Variants in EPHA10 observed in about 807,000 individuals in gnomAD.
The protein encoded by EPHA10 is ephrin type-A receptor 10.
EPHA10 carries 120 observed loss-of-function variants against 109.7 expected under a neutral mutation model. The ratio of observed to expected loss-of-function variants is 1.09; its 90% CI spans 0.94 to 1.27. The LOEUF is 1.27. EPHA10 is among the 50% of genes most tolerant of loss of function. The pLI is 0.00. For synonymous variants in EPHA10, 640 were observed against 618.9 expected, an observed-to-expected ratio of 1.03 and a Z score of -0.51; for missense variants, 1,396 against 1,411.1, an observed-to-expected ratio of 0.99 and a Z score of 0.17.
chr1:37,738,542 C>A (rs1569704544), intron 5 of EPHA10, among the ~76,000 whole-genome samples: 1 of 152,100 alleles, frequency 6.6e-6, no homozygotes, highest in Non-Finnish European at 1.5e-5. Flanking sequence ...AAAATTGGAA[C>A]CCTTGTACAC....
chr1:37,754,199 T>G lies in EPHA10; in HGVS notation c.1006+16A>C, dbSNP rs917058244. The G allele has an allele frequency of 7.8e-7, 1 of 1,283,660 alleles. No homozygotes were observed. 79.5% of individuals were successfully genotyped at this position (1,283,660 alleles called of 1,614,324 possible). A position where few individuals can be genotyped will look rare whatever the true frequency, so the allele number is the denominator to read the frequency against. On this transcript the variant is annotated intron_variant, in intron 4 of 16. Coordinates refer to ENST00000373048, the MANE Select transcript of EPHA10 (RefSeq NM_001099439.2). This position sits in a 1 kb window ranked among gnomAD's most constrained non-coding sequence, Gnocchi z 4.5. ...ACCCCCCACCCTCCGCAGTGCAGCC[T>G]GGAGGGGGGACTCACGGGTGCAGGA...
chr1:37,761,497 C>G lies in EPHA10; in HGVS notation c.758G>C (p.Arg253Pro). ...CTCGCCGTCGGCGCCGCAGTGCATG[C>G]GTGGGGGGCTGCCAGGCTCCCCTTC... ...HSEGEPGSPP[R>P]MHCGADGEWL... Residue 253 changes from arginine (R) to proline (P), a missense_variant, in exon 3 of 17, where the codon CGC (arginine) becomes CCC (proline). Physicochemically the swap from Arg to Pro is moderately radical, Grantham distance 103. Coordinates refer to ENST00000373048, the MANE Select transcript of EPHA10 (RefSeq NM_001099439.2). The G allele has an allele frequency of 6.3e-7, 1 of 1,599,776 alleles. No homozygotes were observed. The highest frequency in any genetic ancestry group is 2.2e-5 in the East Asian group (1 of 44,822).
intron 5 of EPHA10, among the ~76,000 whole-genome samples, chr1:37,744,355 CAAA>C (rs59431284): frequency 1.6e-5 from 2 of 123,354 alleles, no homozygotes; most frequent in Non-Finnish European, 1.8e-5. Flanking sequence ...ACTAAAAATA[CAAA>C]AAAAAAAAAA....
intron 7 of EPHA10, among the ~76,000 whole-genome samples, chr1:37,729,225 G>C (rs1466377560): frequency 1.3e-5 from 2 of 152,184 alleles, no homozygotes; most frequent in African/African-American, 4.8e-5. Context: ...GCCCCGAGAT[G>C]ATCACAGCCC....
At chr1:37,749,018 G>T (rs1646282976) in intron 5 of EPHA10, among the ~76,000 whole-genome samples, 1 of 148,970 alleles carries the variant, frequency 6.7e-6, no homozygotes, top group African/African-American at 2.5e-5. Context: ...CACCTCCAGG[G>T]TTCAAGAGAT....
chr1:37,725,845 G>A (rs940122254), intron 8 of EPHA10, among the ~76,000 whole-genome samples: 9 of 152,182 alleles, frequency 5.9e-5, no homozygotes, highest in African/African-American at 2.2e-4. Flanking sequence ...GGAGAGGAGG[G>A]AAATTGGAGG....
In EPHA10 at chr1:37,718,019, C is replaced by T. The variant is rs1645718977; in HGVS notation, c.*353G>A. 6.2e-6 allele frequency: 2 copies of T among 324,578 alleles called. No homozygotes were observed. Among genetic ancestry groups the T allele is most frequent in the African/African-American group, 2.1e-5 (1 of 47,398 alleles). 20.1% of individuals were successfully genotyped at this position (324,578 alleles called of 1,614,324 possible). On this transcript the variant is annotated 3_prime_UTR_variant, in exon 17 of 17. Coordinates refer to ENST00000373048, the MANE Select transcript of EPHA10 (RefSeq NM_001099439.2). ...GGTAGGCCCCAGCCCCCAGTGGGTA[C>T]AAATGGCAGTAGGGCATGAGCCAGG...
In EPHA10 at chr1:37,751,472, G is replaced by T. The variant is rs548679946; in HGVS notation, c.1357+1404C>A. Among the ~76,000 whole-genome samples, 17 of 151,636 alleles carry T rather than the reference G, an allele frequency of 1.1e-4. No homozygotes were observed. The East Asian group carries it at 2.5e-3, about 23-fold the overall frequency. On this transcript the variant is annotated intron_variant, in intron 5 of 16. Coordinates refer to ENST00000373048, the MANE Select transcript of EPHA10 (RefSeq NM_001099439.2). The stretch of plus-strand genomic sequence containing the variant: ...TAATCCCAGCTACTCGGGAGGCTGA[G>T]GCAGGAGAATCACTTGAACCCAGGA...
chr1:37,719,731 G>GACAC (rs150031151), intron 14 of EPHA10, 124 bp from the exon 15 acceptor site: 2 of 1,341,610 alleles, frequency 1.5e-6, no homozygotes, highest in Non-Finnish European at 1.0e-6. Flanking sequence ...CACAGACACA[G>GACAC]ACACACACAC....
At chr1:37,740,987 A>T (rs1248995485) in intron 5 of EPHA10, among the ~76,000 whole-genome samples, 1 of 152,218 alleles carries the variant, frequency 6.6e-6, no homozygotes, top group Non-Finnish European at 1.5e-5. Flanking sequence ...GAGGAGCCAG[A>T]GAGGCAGGAG....
Position 37,731,563 on chromosome 1 carries a change from T to G in EPHA10, c.1511A>C (p.Tyr504Ser). The G allele has an allele frequency of 6.2e-7, 1 of 1,612,528 alleles. No individual in the cohort carries two copies. The highest frequency in any genetic ancestry group is 1.1e-5 in the South Asian group (1 of 90,880). ...GGGCGCCCCTGTCTTCACCATGGAG[T>G]AAGTCTGCTCACTCTGACCCTGGAG... ...YYEKGQSEQTYSMVKTGAPTV... is the reference protein window; with the variant it reads ...YYEKGQSEQTSSMVKTGAPTV... Residue 504 changes from tyrosine (Y) to serine (S), a missense_variant, in exon 7 of 17, where the codon TAC (tyrosine) becomes TCC (serine). By Grantham distance (144) the Tyr-to-Ser change is moderately radical. Transcript: ENST00000373048.
At chr1:37,731,616 G>A (rs774988414) in intron 6 of EPHA10, 34 bp from the exon 7 acceptor site, 22 of 1,572,834 alleles carry the variant, frequency 1.4e-5, no homozygotes, top group African/African-American at 4.1e-5. Context: ...GCCCACCAGC[G>A]CCAGATCCAC....
Position 37,721,702 on chromosome 1 carries a change from C to T in EPHA10, c.2104G>A (p.Asp702Asn). 6.2e-7 allele frequency: 1 copy of T among 1,612,114 alleles called. No individual in the cohort carries two copies. Among genetic ancestry groups the T allele is most frequent in the South Asian group, 1.1e-5 (1 of 90,990 alleles). ...TCCAGCCGCACGATGTGGCTATGGT[C>T]AAACTGGCCCAGCGTGAGGGCCTCG... ...LAEALTLGQF[D>N]HSHIVRLEGV... The change falls in exon 11 of 17, where the codon GAC becomes AAC. Residue 702 changes from aspartate to asparagine, a missense_variant. Coordinates refer to ENST00000373048, the MANE Select transcript of EPHA10 (RefSeq NM_001099439.2).
chr1:37,739,153 T>C (rs1305857266), intron 5 of EPHA10, among the ~76,000 whole-genome samples: 1 of 150,834 alleles, frequency 6.6e-6, no homozygotes, highest in African/African-American at 2.4e-5. Flanking sequence ...AGTATAATAA[T>C]AAAAAAGAGT....
intron 3 of EPHA10, among the ~76,000 whole-genome samples, chr1:37,759,945 T>C (rs1464160341): frequency 6.6e-6 from 1 of 152,230 alleles, no homozygotes; most frequent in Non-Finnish European, 1.5e-5. Flanking sequence ...TCAGGAAGGT[T>C]CATGCCTCCC....
chr1:37,721,305 G>C (rs1471878757), intron 11 of EPHA10, among the ~76,000 whole-genome samples: 1 of 150,774 alleles, frequency 6.6e-6, no homozygotes, highest in Non-Finnish European at 1.5e-5. Flanking sequence ...GCAGGCACCT[G>C]TAGTCCCAGC....
chr1:37,741,627 G>A (rs543588693), intron 5 of EPHA10, among the ~76,000 whole-genome samples: 91 of 152,230 alleles, frequency 6.0e-4, no homozygotes, highest in African/African-American at 2.0e-3. Context: ...TATGATCAAG[G>A]CAGTGGGACT....
chr1:37,752,210 G>T (rs1000001272), intron 5 of EPHA10, among the ~76,000 whole-genome samples: 5 of 152,192 alleles, frequency 3.3e-5, no homozygotes, highest in African/African-American at 1.2e-4. Flanking sequence ...TGAAGGTGTG[G>T]TGTGAAAAGG....
At chr1:37,763,572 A>G (rs907381239) in intron 1 of EPHA10, among the ~76,000 whole-genome samples, 2 of 152,046 alleles carry the variant, frequency 1.3e-5, no homozygotes, top group Non-Finnish European at 2.9e-5. Context: ...TCCATGGCAA[A>G]TACTCTAAGG....
Sources: gnomAD v4.1 joint callset for allele counts (sites outside exome capture counted in the v4.1 genomes callset) on GRCh38, gnomAD v4.1.1 for gene constraint, Gnocchi (gnomAD v3.1) non-coding constraint, MANE v1.5 for transcripts, NCBI Gene and HGNC (gene_info 2026-07-23, HGNC 2026-07-21) for gene names.